The following SCAI variants were observed in gnomAD, a reference collection of about 807,000 sequenced individuals.
SCAI encodes protein SCAI.
A neutral mutation model predicts 92.2 loss-of-function variants in SCAI; 24 were observed. The ratio of observed to expected loss-of-function variants is 0.26; its 90% CI spans 0.19 to 0.37. The LOEUF (loss-of-function observed/expected upper bound fraction) is 0.37, where lower values mean the gene tolerates loss of function less well. SCAI is among the 10% of genes least tolerant of loss of function. SCAI has a pLI of 1.00. For synonymous variants in SCAI, 261 were observed against 258.6 expected (o/e 1.01, Z -0.09); for missense variants, 450 against 736.2 (o/e 0.61, Z 4.50).
chr9:125,090,943 C>A (rs1045827548), intron 2 of SCAI, among the ~76,000 whole-genome samples: 1 of 152,054 alleles, frequency 6.6e-6, no homozygotes, highest in African/African-American at 2.4e-5. Flanking sequence ...ATGGTGAAAC[C>A]CCGTCTCTAC....
At chr9:124,992,119 A>G (rs189174528) in intron 14 of SCAI, among the ~76,000 whole-genome samples, 2 of 152,202 alleles carry the variant, frequency 1.3e-5, no homozygotes, top group East Asian at 3.9e-4. Flanking sequence ...GGATCTTGCT[A>G]TCTTGCCCAG....
chr9:125,045,521 A>G (rs1192064069), intron 3 of SCAI, among the ~76,000 whole-genome samples: 4 of 152,140 alleles, frequency 2.6e-5, no homozygotes, highest in African/African-American at 9.7e-5. Context: ...TTTATTTTGT[A>G]GACGGGGTCT....
chr9:125,034,066 G>C (rs1301394133), intron 3 of SCAI, among the ~76,000 whole-genome samples: 2 of 152,192 alleles, frequency 1.3e-5, no homozygotes, highest in African/African-American at 2.4e-5. Context: ...AACCAACAAG[G>C]AACACTTTAA....
At chr9:125,020,843 G>A (rs1020517929) in intron 6 of SCAI, 74 bp from the exon 7 acceptor site, 4 of 643,658 alleles carry the variant, frequency 6.2e-6, no homozygotes, top group Non-Finnish European at 1.1e-5. Context: ...TTTTCTGATA[G>A]CTTTTAAAAC....
chr9:124,962,790 C>T (rs1233558182), intron 17 of SCAI, among the ~76,000 whole-genome samples: 2 of 150,838 alleles, frequency 1.3e-5, no homozygotes, highest in African/African-American at 2.4e-5. Flanking sequence ...ATTGTTTTTT[C>T]TTTTTCTTTC....
At chr9:125,065,203 G>T (rs576474364) in intron 2 of SCAI, among the ~76,000 whole-genome samples, 1 of 151,874 alleles carries the variant, frequency 6.6e-6, no homozygotes, top group East Asian at 1.9e-4. Context: ...TGGCAAGAAT[G>T]ACCCACGGGG....
chr9:124,959,032 T>A (rs1831379073), intron 17 of SCAI, among the ~76,000 whole-genome samples: 1 of 151,990 alleles, frequency 6.6e-6, no homozygotes, highest in Non-Finnish European at 1.5e-5. Context: ...TAGCTTCAAT[T>A]TGCATTGAAC....
chr9:125,073,129 G>A lies in SCAI; in HGVS notation c.99-17122C>T, dbSNP rs1252802304. 7.1e-4 allele frequency among the ~76,000 whole-genome samples: 52 copies of A among 72,982 alleles called. 1 individual carries two copies. The highest frequency in any genetic ancestry group is 1.3e-3 in the Non-Finnish European group (44 of 33,358). The allele number at this position is 72,982 out of a possible 152,430, so 47.9% of individuals were successfully genotyped here. The stretch of plus-strand genomic sequence containing the variant: ...TTTTTTTTTTTTTTTTTTTGAGACG[G>A]AGTCTCGCTCGGTCGCCCAGGCTGG... On this transcript the variant is annotated intron_variant, in intron 2 of 17. Coordinates refer to ENST00000336505, the MANE Select transcript of SCAI (RefSeq NM_001144877.3).
At chr9:125,087,718 A>G (rs1834350352) in intron 2 of SCAI, among the ~76,000 whole-genome samples, 1 of 152,242 alleles carries the variant, frequency 6.6e-6, no homozygotes, top group Admixed American at 6.5e-5. Flanking sequence ...TCTCATTAAA[A>G]GCAAAAAAAT....
At chr9:125,137,027 G>A (rs1310240465) in intron 2 of SCAI, among the ~76,000 whole-genome samples, 1 of 152,158 alleles carries the variant, frequency 6.6e-6, no homozygotes, top group Non-Finnish European at 1.5e-5. Flanking sequence ...AAAGTGCTGG[G>A]ATGACAGGTG....
At chr9:125,106,240 G>GT (rs1834797846) in intron 2 of SCAI, among the ~76,000 whole-genome samples, 1 of 140,256 alleles carries the variant, frequency 7.1e-6, no homozygotes, top group Non-Finnish European at 1.5e-5. Flanking sequence ...ATTTGTAAGT[G>GT]TAAGTAACTG....
At chr9:125,030,044 T>C (rs1833041652) in intron 3 of SCAI, among the ~76,000 whole-genome samples, 1 of 152,214 alleles carries the variant, frequency 6.6e-6, no homozygotes, top group African/African-American at 2.4e-5. Flanking sequence ...ACTTATATAC[T>C]GACAACTTCC....
Position 125,045,235 on chromosome 9 carries a change from T to G in SCAI, c.230+10641A>C, listed in dbSNP as rs181020589. Reference sequence around the variant, plus strand: ...CATGCACCACCATGCCTGGCTAATTTTTGTGTTTTTAGTAGAGATGGGGTT... The same window carrying G: ...CATGCACCACCATGCCTGGCTAATTGTTGTGTTTTTAGTAGAGATGGGGTT... On this transcript the variant is annotated intron_variant, in intron 3 of 17. Transcript: ENST00000336505. Among the ~76,000 whole-genome samples, 348 of 152,260 alleles carry G rather than the reference T, an allele frequency of 2.3e-3. 2 individuals carry two copies. The highest frequency in any genetic ancestry group is 7.9e-3 in the African/African-American group (330 of 41,540).
At chr9:124,983,089 C>A (rs554411775) in intron 14 of SCAI, among the ~76,000 whole-genome samples, 2 of 151,284 alleles carry the variant, frequency 1.3e-5, no homozygotes, top group African/African-American at 4.9e-5. Context: ...GAGTATGAGG[C>A]TGCAGTGAGC....
chr9:124,990,030 C>A (rs1832086000), intron 14 of SCAI, among the ~76,000 whole-genome samples: 1 of 151,280 alleles, frequency 6.6e-6, no homozygotes, highest in South Asian at 2.1e-4. Flanking sequence ...CAAAATTAGC[C>A]AGGTGTGGTG....
In SCAI at chr9:124,953,099, C is replaced by T; in HGVS notation, c.1675-146G>A. ...AATATATTTGTTGAATATTGAATTG[C>T]TGATATTTAACCATTTTGACCTCTA... On this transcript the variant is annotated intron_variant, in intron 17 of 17. Transcript: ENST00000336505. 6 of 708,520 alleles carry T rather than the reference C, an allele frequency of 8.5e-6. No individual in the cohort carries two copies. The South Asian group carries it at 1.1e-4, about 13-fold the overall frequency. 43.9% of individuals were successfully genotyped at this position (708,520 alleles called of 1,614,324 possible).
At chr9:124,975,901 G>A (rs1425796025) in intron 15 of SCAI, among the ~76,000 whole-genome samples, 2 of 152,110 alleles carry the variant, frequency 1.3e-5, no homozygotes, top group Non-Finnish European at 2.9e-5. Flanking sequence ...CTTTCTCAGG[G>A]ATGAATTATT....
intron 2 of SCAI, among the ~76,000 whole-genome samples, chr9:125,114,248 C>T (rs1030540682): frequency 2.0e-5 from 3 of 152,130 alleles, no homozygotes; most frequent in South Asian, 4.1e-4. Flanking sequence ...TTAGTAGTCG[C>T]TGGCATAAAA....
At chr9:125,001,796 T>C (rs1049030680) in intron 12 of SCAI, among the ~76,000 whole-genome samples, 169 bp downstream of exon 12, 1 of 152,228 alleles carries the variant, frequency 6.6e-6, no homozygotes, top group Non-Finnish European at 1.5e-5. Context: ...TCAGAAAATA[T>C]GACAGACTGG....
Sources: allele counts gnomAD v4.1 joint callset (sites outside exome capture counted in the v4.1 genomes callset), GRCh38; gene constraint gnomAD v4.1.1; transcripts MANE v1.5; gene names NCBI Gene and HGNC (gene_info 2026-07-23, HGNC 2026-07-21).